PHF2: variants seen among roughly 807,000 people sequenced by gnomAD.
PHF2 encodes PHD finger protein 2, also known as lysine-specific demethylase PHF2.
A neutral mutation model predicts 120.5 loss-of-function variants in PHF2; 27 were observed. The ratio of observed to expected loss-of-function variants is 0.22; its 90% confidence interval spans 0.17 to 0.31. PHF2 has a LOEUF of 0.31. Among genes scored for constraint, PHF2 ranks in the 10% least tolerant of loss-of-function variants. The pLI is 1.00. For synonymous variants in PHF2, 568 were observed against 592.5 expected, an observed-to-expected ratio of 0.96 and a Z score of 0.60; for missense variants, 1,024 against 1,434.8, an observed-to-expected ratio of 0.71 and a Z score of 4.63.
intron 1 of PHF2, among the ~76,000 whole-genome samples, chr9:93,625,841 A>G (rs1287037983): frequency 6.6e-6 from 1 of 152,038 alleles, no homozygotes; most frequent in South Asian, 2.1e-4. Flanking sequence ...TTGTAATTCT[A>G]TGTTTAATTT....
intron 1 of PHF2, among the ~76,000 whole-genome samples, chr9:93,606,316 G>A (rs1175733248): frequency 6.6e-6 from 1 of 152,128 alleles, no homozygotes; most frequent in East Asian, 1.9e-4. Context: ...CATAGTGGCT[G>A]TACCATTTTG....
At chr9:93,633,971 G>A (rs915574652) in intron 2 of PHF2, among the ~76,000 whole-genome samples, 2 of 152,088 alleles carry the variant, frequency 1.3e-5, no homozygotes, top group African/African-American at 2.4e-5. Context: ...GCTGCCTCAC[G>A]CTCCTGCCTG....
chr9:93,648,568 T>A (rs538603927), intron 4 of PHF2, among the ~76,000 whole-genome samples: 1 of 152,316 alleles, frequency 6.6e-6, no homozygotes, highest in African/African-American at 2.4e-5. Flanking sequence ...TATAAAGAAA[T>A]TTTCCTCCTC....
At chr9:93,630,806 A>G (rs1825989365) in intron 2 of PHF2, among the ~76,000 whole-genome samples, 1 of 152,024 alleles carries the variant, frequency 6.6e-6, no homozygotes, top group Non-Finnish European at 1.5e-5. Context: ...GACAGATGGT[A>G]TGGATATGGG....
chr9:93,668,194 A>G (rs1826716951), intron 17 of PHF2, among the ~76,000 whole-genome samples: 1 of 152,210 alleles, frequency 6.6e-6, no homozygotes, highest in South Asian at 2.1e-4. Context: ...TTTTATTTTA[A>G]TGGGAGTGAA....
rs1368977837 is a variant in PHF2 at position 93,665,829 on chromosome 9, G to C, written c.2081G>C (p.Arg694Thr). 6.2e-7 allele frequency: 1 copy of C among 1,613,728 alleles called. No homozygotes were observed. Among genetic ancestry groups the C allele is most frequent in the African/African-American group, 1.3e-5 (1 of 74,924 alleles). The change falls in exon 15 of 22, where the codon AGG becomes ACG. Residue 694 changes from arginine to threonine, a missense_variant. Coordinates refer to ENST00000359246, the MANE Select transcript of PHF2 (RefSeq NM_005392.4). Reference sequence around the variant, plus strand: ...CTCAAGATCGACGAGTTTCCCATCAGGAGGAAGAAAAACGCCCCGAAAAGG... The same window carrying C: ...CTCAAGATCGACGAGTTTCCCATCACGAGGAAGAAAAACGCCCCGAAAAGG... ...GELKIDEFPIRRKKNAPKRDL... is the reference protein window; with the variant it reads ...GELKIDEFPITRKKNAPKRDL...
intron 2 of PHF2, among the ~76,000 whole-genome samples, chr9:93,632,281 G>A (rs1424639999): frequency 1.3e-5 from 2 of 152,076 alleles, no homozygotes; most frequent in Non-Finnish European, 2.9e-5. Context: ...AGACAGTGCT[G>A]AGGTTGCAGA....
Position 93,675,042 on chromosome 9 carries a change from AG to A in PHF2, c.2722+25del. ...CAACAGGTAGTGCTGGGACAGGGGTAGGGGGTCCACCTGACACCCAGTGTGG... is the reference window on the plus strand; with the variant it reads ...CAACAGGTAGTGCTGGGACAGGGGTAGGGGTCCACCTGACACCCAGTGTGG... On this transcript the variant is annotated intron_variant, in intron 19 of 21. Transcript: ENST00000359246. 6.3e-7 allele frequency: 1 copy of A among 1,592,554 alleles called. No homozygotes were observed. The highest frequency in any genetic ancestry group is 8.6e-7 in the Non-Finnish European group (1 of 1,161,246).
intron 1 of PHF2, among the ~76,000 whole-genome samples, chr9:93,604,900 A>G (rs1825511470): frequency 6.6e-6 from 1 of 152,026 alleles, no homozygotes; most frequent in Non-Finnish European, 1.5e-5. Flanking sequence ...TTTATGTCTT[A>G]GCATTCCCAC....
intron 1 of PHF2, among the ~76,000 whole-genome samples, chr9:93,627,224 C>T (rs1264200902): frequency 6.6e-6 from 1 of 152,154 alleles, no homozygotes; most frequent in Non-Finnish European, 1.5e-5. Flanking sequence ...TTTATTCCTA[C>T]ATATTAATAT....
At chr9:93,626,789 T>A (rs1477874916) in intron 1 of PHF2, among the ~76,000 whole-genome samples, 1 of 152,232 alleles carries the variant, frequency 6.6e-6, no homozygotes, top group Non-Finnish European at 1.5e-5. Flanking sequence ...CTTCATTCCT[T>A]TGCATGTGGA....
intron 12 of PHF2, among the ~76,000 whole-genome samples, chr9:93,661,906 T>C (rs1826574462): frequency 6.8e-6 from 1 of 147,792 alleles, no homozygotes; most frequent in Non-Finnish European, 1.5e-5. Flanking sequence ...GATGGGTAGA[T>C]GGATAGATGA....
chr9:93,637,328 A>C (rs1186495868), intron 3 of PHF2, among the ~76,000 whole-genome samples: 1 of 152,206 alleles, frequency 6.6e-6, no homozygotes, highest in African/African-American at 2.4e-5. Flanking sequence ...AAATACAAAT[A>C]ATACAGTTCA....
At chr9:93,604,218 A>G (rs1825496136) in intron 1 of PHF2, among the ~76,000 whole-genome samples, 1 of 152,210 alleles carries the variant, frequency 6.6e-6, no homozygotes, top group East Asian at 1.9e-4. Flanking sequence ...GGCATAGTGC[A>G]GGTGCCGGGG....
chr9:93,578,331 T>C (rs1587655695), intron 1 of PHF2, among the ~76,000 whole-genome samples: 2 of 152,200 alleles, frequency 1.3e-5, no homozygotes, highest in South Asian at 4.1e-4. Flanking sequence ...AACACCGGGC[T>C]CTGCCCAGAA....
intron 1 of PHF2, among the ~76,000 whole-genome samples, chr9:93,602,589 T>C (rs935235707): frequency 1.3e-5 from 2 of 152,168 alleles, no homozygotes; most frequent in African/African-American, 4.8e-5. Flanking sequence ...TGATCATTTT[T>C]TTCTAGCGTG....
At chr9:93,661,757 G>T (rs1043437786) in intron 12 of PHF2, among the ~76,000 whole-genome samples, 5 of 150,912 alleles carry the variant, frequency 3.3e-5, no homozygotes, top group African/African-American at 4.9e-5. Flanking sequence ...ATGGATGAGT[G>T]CATAAGATGG....
chr9:93,675,965 T>G (rs1228675850), intron 20 of PHF2, among the ~76,000 whole-genome samples, 176 bp downstream of exon 20: 1 of 152,180 alleles, frequency 6.6e-6, no homozygotes, highest in Non-Finnish European at 1.5e-5. Context: ...AGGCCCTAAA[T>G]TCCCCGTGTG....
At chr9:93,581,470 AT>A (rs1033635061) in intron 1 of PHF2, among the ~76,000 whole-genome samples, 1 of 152,296 alleles carries the variant, frequency 6.6e-6, no homozygotes, top group South Asian at 2.1e-4. Flanking sequence ...GGAATAAATC[AT>A]TTTAAAACAA....
Sources: gnomAD v4.1 joint callset for allele counts (sites outside exome capture counted in the v4.1 genomes callset) on GRCh38, gnomAD v4.1.1 for gene constraint, MANE v1.5 for transcripts, NCBI Gene and HGNC (gene_info 2026-07-23, HGNC 2026-07-21) for gene names.